Variants in AGTR1 observed in about 807,000 individuals in gnomAD.
AGTR1 encodes angiotensin II receptor type 1, also known as type-1 angiotensin II receptor.
In AGTR1, 16 loss-of-function variants were observed where a neutral mutation model predicts 19.4. The ratio of observed to expected loss-of-function variants is 0.82; its 90% CI spans 0.56 to 1.25. The LOEUF (loss-of-function observed/expected upper bound fraction) is 1.25. AGTR1 is among the 50% of genes most tolerant of loss of function. The pLI is 0.00. For missense variants in AGTR1, 373 were observed against 431.9 expected, an observed-to-expected ratio of 0.86 and a Z score of 1.21; for synonymous variants, 153 against 154.9, an observed-to-expected ratio of 0.99 and a Z score of 0.09.
chr3:148,708,897 G>A (rs1347868800), intron 2 of AGTR1, among the ~76,000 whole-genome samples: 1 of 152,176 alleles, frequency 6.6e-6, no homozygotes, highest in Non-Finnish European at 1.5e-5. Context: ...TATCAAAGTA[G>A]AGGATAGATA....
chr3:148,733,272 C>T lies in AGTR1; in HGVS notation c.-47-7717C>T, dbSNP rs78215668. On this transcript the variant is annotated intron_variant, in intron 2 of 2. Transcript: ENST00000349243. ...TACAGTATATCGAATATTCTAGCTT[C>T]ATTTAAAATTTATGGTTATGTGGCT... Among the ~76,000 whole-genome samples, 1,441 of 152,288 alleles carry T rather than the reference C, an allele frequency of 9.5e-3. 27 individuals carry two copies. Among genetic ancestry groups the T allele is most frequent in the African/African-American group, 0.033 (1,381 of 41,546 alleles).
chr3:148,712,459 G>C lies in AGTR1; in HGVS notation c.-48+4432G>C, dbSNP rs79192540. ...CAAGGCCAAAATACTTCTGCACACA[G>C]TATAGACACCAGAAAAAAACAGAGC... On this transcript the variant is annotated intron_variant, in intron 2 of 2. Transcript: ENST00000349243. Among the ~76,000 whole-genome samples, 862 of 152,188 alleles carry C rather than the reference G, an allele frequency of 5.7e-3. 23 individuals carry two copies. Among genetic ancestry groups the C allele is most frequent in the Middle Eastern group, 0.045 (13 of 290 alleles).
chr3:148,739,767 T>A (rs1714769497), intron 2 of AGTR1: 1 of 1,230,986 alleles, frequency 8.1e-7, no homozygotes. Flanking sequence ...GGCATGGCAG[T>A]GGTGTCTTAT....
intron 1 of AGTR1, among the ~76,000 whole-genome samples, chr3:148,705,412 C>T (rs1712611892): frequency 6.9e-6 from 1 of 145,752 alleles, no homozygotes; most frequent in East Asian, 2.0e-4. Context: ...GAGAATTTTC[C>T]ATTAACCCAG....
intron 2 of AGTR1, among the ~76,000 whole-genome samples, chr3:148,712,424 C>A (rs149166785): frequency 1.7e-4 from 26 of 152,234 alleles, no homozygotes; most frequent in East Asian, 1.2e-3. Flanking sequence ...TCTTCCTCCC[C>A]ACCTCTAGGC....
chr3:148,718,423 A>G (rs1239422265), intron 2 of AGTR1, among the ~76,000 whole-genome samples: 3 of 151,364 alleles, frequency 2.0e-5, no homozygotes, highest in African/African-American at 4.9e-5. Flanking sequence ...GGGATGCCTC[A>G]TGTTCAGGTT....
intron 2 of AGTR1, among the ~76,000 whole-genome samples, chr3:148,717,010 A>G (rs972087630): frequency 2.0e-5 from 3 of 152,192 alleles, no homozygotes; most frequent in African/African-American, 7.2e-5. Flanking sequence ...ACAATGAATC[A>G]TCTTTGAGAC....
At chr3:148,740,915 G>T (rs867509537) in intron 2 of AGTR1, 74 bp from the exon 3 acceptor site, 2 of 1,358,716 alleles carry the variant, frequency 1.5e-6, no homozygotes, top group East Asian at 2.4e-5. Flanking sequence ...TTATGACTGA[G>T]AAATGAATGT....
chr3:148,715,481 C>T (rs181741060), intron 2 of AGTR1, among the ~76,000 whole-genome samples: 7 of 152,198 alleles, frequency 4.6e-5, no homozygotes, highest in Admixed American at 1.3e-4. Context: ...CTCCCCCAAA[C>T]GGGTAGCTGC....
intron 2 of AGTR1, among the ~76,000 whole-genome samples, chr3:148,723,760 C>G (rs1713777355): frequency 6.6e-6 from 1 of 152,200 alleles, no homozygotes; most frequent in African/African-American, 2.4e-5. Flanking sequence ...CAAGGGTAGA[C>G]AGTTGACTCA....
At chr3:148,701,603 T>C (rs1169506321) in intron 1 of AGTR1, among the ~76,000 whole-genome samples, 1 of 152,228 alleles carries the variant, frequency 6.6e-6, no homozygotes, top group Non-Finnish European at 1.5e-5. Flanking sequence ...ATGTCTAGAA[T>C]CTCTCAGTGA....
chr3:148,721,993 A>G (rs933207435), intron 2 of AGTR1, among the ~76,000 whole-genome samples: 6 of 152,214 alleles, frequency 3.9e-5, no homozygotes, highest in African/African-American at 1.4e-4. Flanking sequence ...GGTACCACCT[A>G]AGAAACCGTA....
At chr3:148,730,495 T>G (rs1714191664) in intron 2 of AGTR1, 1 of 318,402 alleles carries the variant, frequency 3.1e-6, no homozygotes, top group Non-Finnish European at 5.7e-6. Context: ...GTAATAGAAA[T>G]CTGCAGTTTA....
intron 2 of AGTR1, among the ~76,000 whole-genome samples, chr3:148,736,068 CAATTT>C (rs1354562175): frequency 6.6e-6 from 1 of 151,798 alleles, no homozygotes; most frequent in Non-Finnish European, 1.5e-5. Flanking sequence ...TTGTAATGAA[CAATTT>C]AATTAGATTG....
rs1714963182 is a variant in AGTR1 at position 148,742,247 on chromosome 3, G to GA, written c.*134dup. ...AAGGAGAAAATGCATTATGTGGACT[G>GA]AACCGACTTTTCTAAAGCTCTGAAC... On this transcript the variant is annotated 3_prime_UTR_variant, in exon 3 of 3. Transcript: ENST00000349243. 2 of 1,278,694 alleles carry GA rather than the reference G, an allele frequency of 1.6e-6. No individual in the cohort carries two copies. Among genetic ancestry groups the GA allele is most frequent in the Non-Finnish European group, 1.1e-6 (1 of 875,236 alleles). 79.2% of individuals were successfully genotyped at this position (1,278,694 alleles called of 1,614,324 possible). A position where few individuals can be genotyped will look rare whatever the true frequency, so the allele number is the denominator to read the frequency against.
intron 2 of AGTR1, among the ~76,000 whole-genome samples, chr3:148,735,558 C>CTT (rs1714529343): frequency 6.6e-6 from 1 of 152,108 alleles, no homozygotes. Flanking sequence ...GGTAGGGGCT[C>CTT]TTAACAGACA....
intron 2 of AGTR1, among the ~76,000 whole-genome samples, chr3:148,737,947 G>A (rs1241210094): frequency 1.3e-5 from 2 of 152,036 alleles, no homozygotes; most frequent in Non-Finnish European, 2.9e-5. Flanking sequence ...TGAATCAATG[G>A]TAACTGAAAA....
At chr3:148,700,143 G>A (rs1208107672) in intron 1 of AGTR1, among the ~76,000 whole-genome samples, 1 of 151,960 alleles carries the variant, frequency 6.6e-6, no homozygotes, top group Non-Finnish European at 1.5e-5. Flanking sequence ...TTTCTAGTTT[G>A]GGATCAGAGT....
At chr3:148,711,923 T>C (rs113509580) in intron 2 of AGTR1, among the ~76,000 whole-genome samples, 2,223 of 152,112 alleles carry the variant, frequency 0.015, 44 homozygotes, top group African/African-American at 0.05. Flanking sequence ...AATTATTTTT[T>C]TAATTTTTTG....
Sources: allele counts gnomAD v4.1 joint callset (sites outside exome capture counted in the v4.1 genomes callset), GRCh38; gene constraint gnomAD v4.1.1; transcripts MANE v1.5; gene names NCBI Gene and HGNC (gene_info 2026-07-23, HGNC 2026-07-21).